RYK: variants seen among roughly 807,000 people sequenced by gnomAD.
RYK encodes receptor like tyrosine kinase.
RYK carries 21 observed loss-of-function variants against 70.2 expected under a neutral mutation model. That is an observed-to-expected ratio of 0.30 (90% CI 0.21 to 0.43). The LOEUF (loss-of-function observed/expected upper bound fraction) is 0.43, where lower values mean the gene tolerates loss of function less well. Among genes scored for constraint, RYK ranks in the 20% least tolerant of loss-of-function variants. The pLI is 1.00. For missense variants in RYK, 604 were observed against 753.3 expected (o/e 0.80, Z 2.32); for synonymous variants, 267 against 278.0 (o/e 0.96, Z 0.39).
Position 134,250,566 on chromosome 3 carries a change from A to AGCG in RYK, c.88_89insCGC (p.Leu29_Leu30insPro). 1 of 1,087,502 alleles carries AGCG rather than the reference A, an allele frequency of 9.2e-7. No homozygotes were observed. 67.4% of individuals were successfully genotyped at this position (1,087,502 alleles called of 1,614,324 possible). A position where few individuals can be genotyped will look rare whatever the true frequency, so the allele number is the denominator to read the frequency against. ...CAGCGGCAACAGCGCAAGCAGAAGC[A>AGCG]GCAGCGGCGGCGGCGGCGGGGCCCT... On this transcript the variant is annotated inframe_insertion, in exon 1 of 15. Transcript: ENST00000623711.
intron 6 of RYK, among the ~76,000 whole-genome samples, chr3:134,200,488 G>A (rs566609054): frequency 1.3e-4 from 20 of 152,304 alleles, no homozygotes; most frequent in African/African-American, 4.3e-4. Context: ...AACACTCACC[G>A]CGAGAGTCCG....
At chr3:134,159,480 T>C (rs2108137328) in intron 13 of RYK, 107 bp from the exon 14 acceptor site, 16 of 1,083,226 alleles carry the variant, frequency 1.5e-5, no homozygotes, top group Non-Finnish European at 1.9e-5. Context: ...ACTCATGCTT[T>C]GGAAAAGCGA....
At chr3:134,247,164 A>G (rs1368816538) in intron 1 of RYK, among the ~76,000 whole-genome samples, 4 of 152,246 alleles carry the variant, frequency 2.6e-5, no homozygotes, top group Non-Finnish European at 4.4e-5. Flanking sequence ...CTGTGTACAC[A>G]ATAATGTAAA....
intron 9 of RYK, among the ~76,000 whole-genome samples, chr3:134,186,903 G>A (rs2013483999): frequency 6.6e-6 from 1 of 151,658 alleles, no homozygotes; most frequent in Non-Finnish European, 1.5e-5. Flanking sequence ...AAAAAAATGA[G>A]AAAAGAGTAA....
chr3:134,239,729 G>A (rs551942870), intron 1 of RYK, among the ~76,000 whole-genome samples: 1 of 152,082 alleles, frequency 6.6e-6, no homozygotes, highest in Non-Finnish European at 1.5e-5. Flanking sequence ...AATAGAAAGT[G>A]GAACAACCTA....
chr3:134,164,615 G>A (rs1423134211), intron 13 of RYK, among the ~76,000 whole-genome samples: 4 of 152,194 alleles, frequency 2.6e-5, no homozygotes, highest in African/African-American at 9.7e-5. Context: ...TAGTAGTATA[G>A]CTCGTTATAT....
intron 10 of RYK, chr3:134,179,409 G>A (rs2013215976): frequency 6.6e-6 from 1 of 152,204 alleles, no homozygotes; most frequent in Non-Finnish European, 1.5e-5. Context: ...CACTGACCCT[G>A]AGGAGGTGGG....
chr3:134,218,917 A>C (rs2014646590), intron 2 of RYK, among the ~76,000 whole-genome samples: 1 of 152,190 alleles, frequency 6.6e-6, no homozygotes. Flanking sequence ...TAGATTTAGA[A>C]AGTATAGGAG....
At chr3:134,229,397 A>C (rs1158333537) in intron 1 of RYK, among the ~76,000 whole-genome samples, 1 of 151,758 alleles carries the variant, frequency 6.6e-6, no homozygotes, top group Non-Finnish European at 1.5e-5. Context: ...AAAAAAAAAA[A>C]ACGTAGGATA....
At position 134,195,091 on chromosome 3, in the gene RYK, G is replaced by A; in HGVS notation, c.880C>T (p.Pro294Ser). 1 of 1,609,838 alleles carries A rather than the reference G, an allele frequency of 6.2e-7. No homozygotes were observed. Among genetic ancestry groups the A allele is most frequent in the Non-Finnish European group, 8.5e-7 (1 of 1,176,202 alleles). Residue 294 changes from proline (P) to serine (S), a missense_variant, in exon 7 of 15, where the codon CCT (proline) becomes TCT (serine). By Grantham distance (74) the Pro-to-Ser change is moderately conservative. Around this residue, in one of 2 missense-constraint regions of RYK, gnomAD observed 466 missense variants for 535.9 expected, o/e 0.87. Coordinates refer to ENST00000623711, the MANE Select transcript of RYK (RefSeq NM_002958.4). The stretch of plus-strand genomic sequence containing the variant: ...TTAAATTAACTCTTACTGGTGATAG[G>A]AGTTGCATTGTTGGGCGTGTCTGCT... ...LRADTPNNATPITSYPTLRIE... is the reference protein window; with the variant it reads ...LRADTPNNATSITSYPTLRIE...
chr3:134,244,826 T>A (rs1460797639), intron 1 of RYK, among the ~76,000 whole-genome samples: 1 of 152,228 alleles, frequency 6.6e-6, no homozygotes, highest in African/African-American at 2.4e-5. Flanking sequence ...GGGATGGTAT[T>A]AGCAGGTAGG....
chr3:134,175,458 A>C, intron 13 of RYK, 151 bp downstream of exon 13: 1 of 802,116 alleles, frequency 1.2e-6, no homozygotes. Context: ...AAACTGGTTG[A>C]CTGGCAGCTA....
intron 3 of RYK, among the ~76,000 whole-genome samples, chr3:134,210,282 G>C (rs906664672): frequency 1.1e-4 from 17 of 152,148 alleles, no homozygotes; most frequent in Non-Finnish European, 1.8e-4. Context: ...TTAATAAAAA[G>C]ATTAAATATA....
chr3:134,159,384 A>G lies in RYK; in HGVS notation c.1576-11T>C. The G allele has an allele frequency of 1.3e-6, 2 of 1,585,152 alleles. No homozygotes were observed. Among genetic ancestry groups the G allele is most frequent in the African/African-American group, 1.4e-5 (1 of 74,038 alleles). ...CACTCCAAAGGCCCACTAGTAAAGG[A>G]GCAGAAGCACAATGAGGGGACATTT... On this transcript the variant is annotated splice_polypyrimidine_tract_variant and intron_variant, in intron 13 of 14. Coordinates refer to ENST00000623711, the MANE Select transcript of RYK (RefSeq NM_002958.4).
At chr3:134,224,919 T>C (rs891884424) in intron 1 of RYK, among the ~76,000 whole-genome samples, 1 of 152,262 alleles carries the variant, frequency 6.6e-6, no homozygotes, top group Non-Finnish European at 1.5e-5. Flanking sequence ...TTAATCATAT[T>C]CATATATAAT....
chr3:134,164,005 T>C lies in RYK; in HGVS notation c.1576-4632A>G, dbSNP rs570235388. 1.6e-4 allele frequency among the ~76,000 whole-genome samples: 24 copies of C among 152,322 alleles called. No homozygotes were observed. The South Asian group carries it at 4.8e-3, about 30-fold the overall frequency. ...ATTATTTTATTTAATTAATTATTTA[T>C]TTGCATTTTTAGCAGAAATGGGGTT... On this transcript the variant is annotated intron_variant, in intron 13 of 14. Transcript: ENST00000623711.
At chr3:134,204,332 G>A (rs150547544) in intron 5 of RYK, among the ~76,000 whole-genome samples, 1 of 149,186 alleles carries the variant, frequency 6.7e-6, no homozygotes, top group African/African-American at 2.5e-5. Flanking sequence ...CATCTCTACT[G>A]AAAAAAAAAT....
chr3:134,217,652 T>C lies in RYK; in HGVS notation c.354+4766A>G, dbSNP rs148267328. Among the ~76,000 whole-genome samples the C allele has an allele frequency of 3.1e-3, 479 of 152,316 alleles. 1 individual carries two copies. The highest frequency in any genetic ancestry group is 0.011 in the African/African-American group (445 of 41,560). On this transcript the variant is annotated intron_variant, in intron 2 of 14. Coordinates refer to ENST00000623711, the MANE Select transcript of RYK (RefSeq NM_002958.4). ...GGTATGTTAGCTGTTGAAAGATGTA[T>C]ATATACATATATGCATGGAAGCTTA...
intron 1 of RYK, among the ~76,000 whole-genome samples, chr3:134,239,394 C>G (rs957225288): frequency 6.6e-6 from 1 of 151,822 alleles, no homozygotes; most frequent in Non-Finnish European, 1.5e-5. Flanking sequence ...TCTGGGAGAT[C>G]AAAGCTGCAG....
Sources: gnomAD v4.1 joint callset for allele counts (sites outside exome capture counted in the v4.1 genomes callset) on GRCh38, gnomAD v4.1.1 for gene constraint, gnomAD v4.1.1 regional missense constraint, MANE v1.5 for transcripts, NCBI Gene and HGNC (gene_info 2026-07-23, HGNC 2026-07-21) for gene names.